The following GSS variants were observed in gnomAD, a reference collection of about 807,000 sequenced individuals.
GSS encodes glutathione synthetase.
GSS carries 34 observed loss-of-function variants against 60.4 expected under a neutral mutation model. The observed-to-expected ratio is 0.56, with a 90% CI of 0.43 to 0.75. The LOEUF (loss-of-function observed/expected upper bound fraction) is 0.75. Among genes scored for constraint, GSS ranks in the 30% least tolerant of loss-of-function variants. The pLI is 0.00. For synonymous variants in GSS, 224 were observed against 239.0 expected (o/e 0.94, Z 0.58); for missense variants, 499 against 595.1 (o/e 0.84, Z 1.68).
chr20:34,953,374 A>C (rs1210990839), intron 1 of GSS, among the ~76,000 whole-genome samples: 1 of 152,206 alleles, frequency 6.6e-6, no homozygotes, highest in Non-Finnish European at 1.5e-5. Context: ...AAGAATGCGC[A>C]TGTGATCTCA....
At chr20:34,936,891 C>T (rs1245063256) in intron 7 of GSS, 51 bp from the exon 8 acceptor site, 1 of 1,601,484 alleles carries the variant, frequency 6.2e-7, no homozygotes, top group Non-Finnish European at 8.6e-7. Context: ...GTTCTGAGTG[C>T]CCCACCCCTA....
intron 2 of GSS, among the ~76,000 whole-genome samples, chr20:34,948,972 G>C (rs1051565098): frequency 3.3e-5 from 5 of 152,078 alleles, no homozygotes; most frequent in African/African-American, 1.2e-4. Context: ...AGGAAAGTAG[G>C]CCAGAGTTGC....
At position 34,934,465 on chromosome 20, in the gene GSS, C is replaced by T. The variant is rs548514962; in HGVS notation, c.834+1111G>A. On this transcript the variant is annotated intron_variant, in intron 9 of 12. Transcript: ENST00000651619. ...CTAATTTTTGTATTTTTAGTAGAGA[C>T]GGGGTTTCACCATGTTGGCCAGGCT... Among the ~76,000 whole-genome samples, 8 of 151,942 alleles carry T rather than the reference C, an allele frequency of 5.3e-5. No homozygotes were observed. In the South Asian group the frequency reaches 6.2e-4, roughly 12 times the overall value.
chr20:34,942,879 A>G (rs1227255985), intron 4 of GSS, 52 bp downstream of exon 4: 4 of 1,304,474 alleles, frequency 3.1e-6, no homozygotes, highest in Non-Finnish European at 4.4e-6. Context: ...CAGAAAACAA[A>G]CAGAGATGGG....
chr20:34,936,984 G>A lies in GSS; in HGVS notation c.648C>T (p.Asn216=). 3.1e-6 allele frequency: 5 copies of A among 1,613,858 alleles called. No individual in the cohort carries two copies. The highest frequency in any genetic ancestry group is 4.2e-6 in the Non-Finnish European group (5 of 1,179,914). ...VLLIAQEKER[N]IFDQRAIENE... ...TCTCTATGGCACGCTGGTCAAATATGTTTCTTTCCTTCTCTTGAGCAATCA... is the reference window on the plus strand; with the variant it reads ...TCTCTATGGCACGCTGGTCAAATATATTTCTTTCCTTCTCTTGAGCAATCA... Residue 216 remains asparagine (N), a synonymous_variant, in exon 7 of 13, where the codon AAC becomes AAT. Coordinates refer to ENST00000651619, the MANE Select transcript of GSS (RefSeq NM_000178.4).
At position 34,928,762 on chromosome 20, in the gene GSS, C is replaced by G; in HGVS notation, c.*66G>C. On this transcript the variant is annotated 3_prime_UTR_variant, in exon 13 of 13. Coordinates refer to ENST00000651619, the MANE Select transcript of GSS (RefSeq NM_000178.4). ...TTTGGAGGTCTTTAGGAGGATACCC[C>G]TCAGGAGGGCTAGGAGAGGAATGAC... The G allele has an allele frequency of 6.3e-7, 1 of 1,591,314 alleles. No homozygotes were observed. Among genetic ancestry groups the G allele is most frequent in the Non-Finnish European group, 8.6e-7 (1 of 1,160,126 alleles).
chr20:34,951,264 T>C (rs1292859786), intron 2 of GSS, among the ~76,000 whole-genome samples: 1 of 152,178 alleles, frequency 6.6e-6, no homozygotes, highest in Non-Finnish European at 1.5e-5. Context: ...ATACAATTTG[T>C]TTTTTAAAAA....
Position 34,935,658 on chromosome 20 carries a change from G to A in GSS, c.768-16C>T. On this transcript the variant is annotated splice_polypyrimidine_tract_variant and intron_variant, in intron 8 of 12. Coordinates refer to ENST00000651619, the MANE Select transcript of GSS (RefSeq NM_000178.4). The stretch of plus-strand genomic sequence containing the variant: ...CTGGCCATCCCTGGAACACAGGATG[G>A]AGAAGGCTGCTGTGTTAAATTATAA... 6.3e-7 allele frequency: 1 copy of A among 1,584,150 alleles called. No homozygotes were observed. Among genetic ancestry groups the A allele is most frequent in the South Asian group, 1.1e-5 (1 of 90,494 alleles).
intron 2 of GSS, 165 bp downstream of exon 2, chr20:34,951,559 C>A: frequency 1.3e-6 from 1 of 762,846 alleles, no homozygotes; most frequent in Admixed American, 2.8e-5. Flanking sequence ...TTTGATTACT[C>A]CAGGACACTG....
chr20:34,945,401 A>G (rs950229151), intron 3 of GSS, among the ~76,000 whole-genome samples: 1 of 150,774 alleles, frequency 6.6e-6, no homozygotes, highest in African/African-American at 2.4e-5. Flanking sequence ...AAAAAAGATC[A>G]AGGGAAAGAG....
In GSS at chr20:34,951,755, A is replaced by G. The variant is rs1555889226; in HGVS notation, c.98T>C (p.Leu33Pro). The change falls in exon 2 of 13, where the codon CTG (leucine) becomes CCG (proline). Residue 33 changes from leucine (L) to proline (P), a missense_variant. Coordinates refer to ENST00000651619, the MANE Select transcript of GSS (RefSeq NM_000178.4). The part of the protein sequence containing the change: ...VDRALAEGVL[L>P]RTSQEPTSSE... The stretch of plus-strand genomic sequence containing the variant: ...GGAAGTGGGCTCCTGTGAGGTCCTC[A>G]GCAATACTCCCTCAGCCAGGGCCCG... 2.5e-6 allele frequency: 4 copies of G among 1,612,214 alleles called. No individual in the cohort carries two copies. Among genetic ancestry groups the G allele is most frequent in the Non-Finnish European group, 3.4e-6 (4 of 1,179,052 alleles).
chr20:34,938,636 G>T (rs2081459237), intron 6 of GSS, among the ~76,000 whole-genome samples: 1 of 152,210 alleles, frequency 6.6e-6, no homozygotes, highest in Non-Finnish European at 1.5e-5. Context: ...AGAGGCGGAG[G>T]AGGAAGGCTG....
chr20:34,950,025 A>G (rs1243547884), intron 2 of GSS: 1 of 151,544 alleles, frequency 6.6e-6, no homozygotes, highest in Non-Finnish European at 1.5e-5. Context: ...ACACACACAC[A>G]CACACACACA....
intron 9 of GSS, chr20:34,933,678 C>T (rs937180608): frequency 6.6e-6 from 1 of 152,340 alleles, no homozygotes; most frequent in African/African-American, 2.4e-5. Flanking sequence ...ACCCCAGGAA[C>T]CCAACTACTA....
chr20:34,936,731 C>G (rs766478190), intron 8 of GSS, 32 bp downstream of exon 8: 3 of 1,488,742 alleles, frequency 2.0e-6, no homozygotes, highest in Admixed American at 3.3e-5. Context: ...TTTCATAAAC[C>G]AGCCTTCCAC....
rs1419704426 is a variant in GSS, at chr20:34,928,846, G to T, written c.1407C>A (p.Asp469Glu). ...GGVAAGVAVL[D>E]NPYPV ...TGTGCCCTCACACAGGGTATGGGTTGTCCAGGACTGCCACTCCCGCTGCCA... is the reference window on the plus strand; with the variant it reads ...TGTGCCCTCACACAGGGTATGGGTTTTCCAGGACTGCCACTCCCGCTGCCA... The change falls in exon 13 of 13, where the codon GAC (aspartate) becomes GAA (glutamate). Residue 469 changes from aspartate (D) to glutamate (E), a missense_variant. Coordinates refer to ENST00000651619, the MANE Select transcript of GSS (RefSeq NM_000178.4). The T allele has an allele frequency of 1.4e-5, 22 of 1,614,072 alleles. No homozygotes were observed. Among genetic ancestry groups the T allele is most frequent in the Non-Finnish European group, 1.9e-5 (22 of 1,179,996 alleles).
intron 9 of GSS, chr20:34,933,963 G>C (rs937192295): frequency 6.6e-6 from 1 of 152,212 alleles, no homozygotes. Context: ...TGGATCGTAA[G>C]GTCAGGAGTT....
intron 1 of GSS, chr20:34,954,935 G>A (rs1300490476): frequency 6.5e-6 from 1 of 153,098 alleles, no homozygotes; most frequent in Non-Finnish European, 1.5e-5. Flanking sequence ...CATTTCCAGA[G>A]TTTGTAGCCT....
At chr20:34,935,249 GA>G (rs1293438074) in intron 9 of GSS, among the ~76,000 whole-genome samples, 2 of 151,888 alleles carry the variant, frequency 1.3e-5, no homozygotes, top group African/African-American at 2.4e-5. Flanking sequence ...GAGTTGGCAG[GA>G]AAAAAAATGG....
Sources: allele counts gnomAD v4.1 joint callset (sites outside exome capture counted in the v4.1 genomes callset), GRCh38; gene constraint gnomAD v4.1.1; transcripts MANE v1.5; gene names NCBI Gene and HGNC (gene_info 2026-07-23, HGNC 2026-07-21).